The following QTMAN variants were observed in gnomAD, a reference collection of about 807,000 sequenced individuals.
QTMAN encodes queuosine-tRNA mannosyltransferase.
At chr2:144,084,012 A>C in the QTMAN span, among the ~76,000 whole-genome samples, 12 of 152,352 alleles carry the variant, frequency 7.9e-5, 1 homozygote, top group South Asian at 2.5e-3. Flanking sequence ...ATGTGAAGAG[A>C]AATATTTCTC....
chr2:144,111,960 G>T, the QTMAN span, among the ~76,000 whole-genome samples: 1 of 152,076 alleles, frequency 6.6e-6, no homozygotes, highest in Non-Finnish European at 1.5e-5. Context: ...TATTTTACTC[G>T]GGTTTGTTAA....
chr2:144,272,703 T>G, the QTMAN span, among the ~76,000 whole-genome samples: 1 of 152,104 alleles, frequency 6.6e-6, no homozygotes, highest in Non-Finnish European at 1.5e-5. Flanking sequence ...CAAATGGAAA[T>G]CTACATTATG....
chr2:143,958,782 C>CTT, the QTMAN span, among the ~76,000 whole-genome samples: 75 of 113,348 alleles, frequency 6.6e-4, no homozygotes, highest in African/African-American at 1.7e-3. Context: ...TTCTTTCTTT[C>CTT]TTTTTTTTTT....
the QTMAN span, among the ~76,000 whole-genome samples, chr2:144,305,725 AAC>A: frequency 6.6e-6 from 1 of 152,206 alleles, no homozygotes; most frequent in African/African-American, 2.4e-5. Context: ...TAGATCCATG[AAC>A]ATGGGATGTC....
At chr2:144,235,417 TAAAAG>T in the QTMAN span, among the ~76,000 whole-genome samples, 5 of 151,894 alleles carry the variant, frequency 3.3e-5, no homozygotes, top group African/African-American at 7.3e-5. Context: ...GAATATACAT[TAAAAG>T]AAAAGTAGAG....
chr2:144,106,270 G>A, the QTMAN span, among the ~76,000 whole-genome samples: 1 of 152,202 alleles, frequency 6.6e-6, no homozygotes. Flanking sequence ...AACCTTAAAT[G>A]TAAATGGGCT....
chr2:144,323,426 T>C, the QTMAN span, among the ~76,000 whole-genome samples: 1 of 152,222 alleles, frequency 6.6e-6, no homozygotes, highest in Admixed American at 6.5e-5. Flanking sequence ...CTGTGAAGAA[T>C]ACCATGATTA....
the QTMAN span, among the ~76,000 whole-genome samples, chr2:144,186,553 C>A: frequency 6.6e-6 from 1 of 152,052 alleles, no homozygotes; most frequent in African/African-American, 2.4e-5. Flanking sequence ...GAGTTCATTC[C>A]TCTTCAAATT....
At chr2:144,059,748 C>A in the QTMAN span, among the ~76,000 whole-genome samples, 3 of 152,142 alleles carry the variant, frequency 2.0e-5, no homozygotes, top group Admixed American at 6.5e-5. Flanking sequence ...TACCTCTCCC[C>A]TTCTTCCCTG....
chr2:144,330,190 C>A, the QTMAN span, among the ~76,000 whole-genome samples: 1 of 152,230 alleles, frequency 6.6e-6, no homozygotes, highest in African/African-American at 2.4e-5. Flanking sequence ...GAATATACAA[C>A]TGTGGTCCCA....
chr2:143,972,086 T>C, the QTMAN span, among the ~76,000 whole-genome samples: 2 of 152,180 alleles, frequency 1.3e-5, no homozygotes, highest in Non-Finnish European at 2.9e-5. Flanking sequence ...GTTCATTGCT[T>C]TTTAAGATGA....
the QTMAN span, among the ~76,000 whole-genome samples, chr2:143,984,582 T>C: frequency 6.6e-6 from 1 of 152,230 alleles, no homozygotes; most frequent in Non-Finnish European, 1.5e-5. Flanking sequence ...CCCTCAAGCC[T>C]GGACCTGTGG....
At chr2:144,259,442 A>G in the QTMAN span, among the ~76,000 whole-genome samples, 2 of 152,152 alleles carry the variant, frequency 1.3e-5, no homozygotes, top group African/African-American at 4.8e-5. Context: ...TACAGGCATG[A>G]GCCACCCCGC....
chr2:144,254,639 A>G, the QTMAN span, among the ~76,000 whole-genome samples: 1 of 152,146 alleles, frequency 6.6e-6, no homozygotes, highest in African/African-American at 2.4e-5. Context: ...TGGAGCTGTA[A>G]GAAGAGCACC....
chr2:144,153,139 T>C, the QTMAN span, among the ~76,000 whole-genome samples: 1 of 152,192 alleles, frequency 6.6e-6, no homozygotes, highest in African/African-American at 2.4e-5. Context: ...ACTGAAACGG[T>C]GGCCCTCCTC....
chr2:144,062,742 T>A, the QTMAN span, among the ~76,000 whole-genome samples: 2 of 152,162 alleles, frequency 1.3e-5, no homozygotes, highest in African/African-American at 4.8e-5. Context: ...AATAACTAGG[T>A]ATTATTTTTC....
chr2:143,986,407 A>G, the QTMAN span, among the ~76,000 whole-genome samples: 4 of 152,322 alleles, frequency 2.6e-5, no homozygotes, highest in East Asian at 7.7e-4. Flanking sequence ...TGAGAACAGG[A>G]GACGCTCCCC....
At chr2:144,229,556 T>C in the QTMAN span, among the ~76,000 whole-genome samples, 1 of 152,290 alleles carries the variant, frequency 6.6e-6, no homozygotes, top group South Asian at 2.1e-4. Flanking sequence ...TGGCTTACTT[T>C]GGAGGGAAGG....
the QTMAN span, among the ~76,000 whole-genome samples, chr2:144,282,277 G>T: frequency 6.6e-6 from 1 of 151,444 alleles, no homozygotes; most frequent in Non-Finnish European, 1.5e-5. Flanking sequence ...TGCTGGTCGG[G>T]GACCAAATTC....
Sources: allele counts gnomAD v4.1 joint callset (sites outside exome capture counted in the v4.1 genomes callset), GRCh38; gene constraint gnomAD v4.1.1; transcripts MANE v1.5; gene names NCBI Gene and HGNC (gene_info 2026-07-23, HGNC 2026-07-21).